The following SLC44A5 variants were observed in gnomAD, a reference collection of about 807,000 sequenced individuals.
SLC44A5 encodes choline transporter-like protein 5.
A neutral mutation model predicts 101.8 loss-of-function variants in SLC44A5; 57 were observed. That is an observed-to-expected ratio of 0.56 (90% CI 0.45 to 0.70). SLC44A5 has a LOEUF of 0.70. Ranked by LOEUF, SLC44A5 falls within the 30% of genes least tolerant of loss-of-function variation. SLC44A5 has a pLI of 0.00. For missense variants in SLC44A5, 737 were observed against 853.1 expected, an observed-to-expected ratio of 0.86 and a Z score of 1.70; for synonymous variants, 281 against 290.9, an observed-to-expected ratio of 0.97 and a Z score of 0.35.
chr1:75,673,049 G>T, the SLC44A5 span, among the ~76,000 whole-genome samples: 1 of 152,148 alleles, frequency 6.6e-6, no homozygotes, highest in Non-Finnish European at 1.5e-5. Context: ...TTTGAGAAAA[G>T]ACTCCTGCTT....
At chr1:75,322,829 C>T (rs1656270266) in intron 4 of SLC44A5, among the ~76,000 whole-genome samples, 1 of 152,170 alleles carries the variant, frequency 6.6e-6, no homozygotes, top group South Asian at 2.1e-4. Context: ...TGGATTCCAA[C>T]CTTGTCTTTG....
chr1:75,549,141 AG>A (rs1023250903), intron 1 of SLC44A5, among the ~76,000 whole-genome samples: 6 of 58,084 alleles, frequency 1.0e-4, no homozygotes, highest in Non-Finnish European at 1.7e-4. Flanking sequence ...TTTTATTTCC[AG>A]AGGTTTTGCT....
At chr1:75,402,616 G>A (rs887294376) in intron 2 of SLC44A5, 2 of 159,176 alleles carry the variant, frequency 1.3e-5, no homozygotes, top group African/African-American at 2.4e-5. Context: ...GCTGAGAGAA[G>A]CCATGAGGGA....
At chr1:75,478,489 G>A (rs914684798) in intron 2 of SLC44A5, among the ~76,000 whole-genome samples, 1 of 152,120 alleles carries the variant, frequency 6.6e-6, no homozygotes, top group African/African-American at 2.4e-5. Flanking sequence ...CCATCAGTGT[G>A]CTGTATTCAG....
At chr1:75,571,469 A>G (rs1673068646) in intron 1 of SLC44A5, among the ~76,000 whole-genome samples, 1 of 152,204 alleles carries the variant, frequency 6.6e-6, no homozygotes, top group Non-Finnish European at 1.5e-5. Flanking sequence ...TTACTTTGCC[A>G]TGCTGTGAAA....
intron 2 of SLC44A5, among the ~76,000 whole-genome samples, chr1:75,530,108 G>T (rs1273429608): frequency 1.3e-5 from 2 of 151,890 alleles, no homozygotes; most frequent in Non-Finnish European, 2.9e-5. Context: ...GAGTGCAAAA[G>T]GTAATAAGAA....
chr1:75,525,099 A>G (rs942749820), intron 2 of SLC44A5, among the ~76,000 whole-genome samples: 8 of 152,196 alleles, frequency 5.3e-5, no homozygotes, highest in Non-Finnish European at 1.2e-4. Context: ...ATACCTCCCA[A>G]TGAAATAATT....
rs116043239 is a variant in SLC44A5, at chr1:75,550,845, C to T, written c.-69-9329G>A. Among the ~76,000 whole-genome samples the T allele has an allele frequency of 5.1e-3, 776 of 152,242 alleles. 7 individuals carry two copies. The highest frequency in any genetic ancestry group is 0.018 in the African/African-American group (738 of 41,564). On this transcript the variant is annotated intron_variant, in intron 1 of 23. Coordinates refer to ENST00000370859, the MANE Select transcript of SLC44A5 (RefSeq NM_001130058.2). ...GAAATGAAGGGCTTAGCTTTGGACT[C>T]ATTAACCTTGAGATGCCCATGACCC...
At chr1:75,635,099 C>A in the SLC44A5 span, among the ~76,000 whole-genome samples, 13 of 151,084 alleles carry the variant, frequency 8.6e-5, no homozygotes, top group African/African-American at 1.7e-4. Flanking sequence ...CAAATCAAAA[C>A]CACAATGAGA....
rs562516007 is a variant in SLC44A5 at position 75,608,341 on chromosome 1, G to T, written c.-70+2699C>A. ...CAAAATGTGAGGGGTATGTGTGTGT[G>T]TGTGTGTGTGTTGTGTGTGTACACA... is the stretch of plus-strand genomic sequence containing the variant. On this transcript the variant is annotated intron_variant, in intron 1 of 23. Transcript: ENST00000370859. 7.2e-5 allele frequency among the ~76,000 whole-genome samples: 11 copies of T among 152,056 alleles called. No homozygotes were observed. In the East Asian group the frequency reaches 2.1e-3, roughly 29 times the overall value.
chr1:75,582,696 C>CA (rs1005211128), intron 1 of SLC44A5: 8 of 171,420 alleles, frequency 4.7e-5, no homozygotes, highest in South Asian at 2.0e-4. Flanking sequence ...CCTACCCCCA[C>CA]AAAAAAGTAT....
At chr1:75,397,161 G>A (rs1662176563) in intron 2 of SLC44A5, among the ~76,000 whole-genome samples, 2 of 152,154 alleles carry the variant, frequency 1.3e-5, no homozygotes, top group Admixed American at 6.5e-5. Context: ...AAACTCCCAT[G>A]TGATAACTAT....
At chr1:75,232,642 G>C (rs891085254) in intron 12 of SLC44A5, among the ~76,000 whole-genome samples, 1 of 152,086 alleles carries the variant, frequency 6.6e-6, no homozygotes, top group African/African-American at 2.4e-5. Context: ...GAGATAATGA[G>C]GAGGGTAATA....
At chr1:75,442,413 C>G (rs556385166) in intron 2 of SLC44A5, among the ~76,000 whole-genome samples, 1 of 152,190 alleles carries the variant, frequency 6.6e-6, no homozygotes, top group African/African-American at 2.4e-5. Context: ...CCTCTGAGAC[C>G]TCTTCTTGAC....
At chr1:75,638,418 T>G in the SLC44A5 span, among the ~76,000 whole-genome samples, 1 of 152,060 alleles carries the variant, frequency 6.6e-6, no homozygotes, top group East Asian at 1.9e-4. Flanking sequence ...TGTAGGATCT[T>G]AATATCAAAA....
chr1:75,611,806 G>C (rs755432745), upstream of SLC44A5, among the ~76,000 whole-genome samples: 1 of 151,968 alleles, frequency 6.6e-6, no homozygotes, highest in Non-Finnish European at 1.5e-5. Flanking sequence ...TGTTGTTTTA[G>C]AGGCTTTCTC....
chr1:75,498,999 C>T (rs2101833156), intron 2 of SLC44A5, among the ~76,000 whole-genome samples: 1 of 152,112 alleles, frequency 6.6e-6, no homozygotes, highest in East Asian at 1.9e-4. Flanking sequence ...TTTACTGTGC[C>T]TTTTCTATGT....
chr1:75,608,083 T>A lies in SLC44A5; in HGVS notation c.-70+2957A>T, dbSNP rs115107417. On this transcript the variant is annotated intron_variant, in intron 1 of 23. Coordinates refer to ENST00000370859, the MANE Select transcript of SLC44A5 (RefSeq NM_001130058.2). ...AATAATTTTGGATTCCACATATAAG[T>A]GAGATCATACAGTATTTTTCTTTTT... 6.2e-3 allele frequency among the ~76,000 whole-genome samples: 950 copies of A among 152,120 alleles called. 13 individuals carry two copies. Among genetic ancestry groups the A allele is most frequent in the African/African-American group, 0.021 (883 of 41,500 alleles).
intron 3 of SLC44A5, among the ~76,000 whole-genome samples, chr1:75,378,655 G>A (rs1221554464): frequency 3.6e-5 from 3 of 83,288 alleles, no homozygotes; most frequent in Non-Finnish European, 6.2e-5. Context: ...ATCAATTACA[G>A]GAGGTGATAT....
Sources: gnomAD v4.1 joint callset for allele counts (sites outside exome capture counted in the v4.1 genomes callset) on GRCh38, gnomAD v4.1.1 for gene constraint, MANE v1.5 for transcripts, NCBI Gene and HGNC (gene_info 2026-07-23, HGNC 2026-07-21) for gene names.